The following DSCAM variants were observed in gnomAD, a reference collection of about 807,000 sequenced individuals.
DSCAM encodes the protein DS cell adhesion molecule, also known as cell adhesion molecule DSCAM.
In DSCAM, 47 loss-of-function variants were observed where a neutral mutation model predicts 217.7. The observed-to-expected ratio is 0.22, with a 90% CI of 0.17 to 0.28. The LOEUF is 0.28. Ranked by LOEUF, DSCAM falls within the 10% of genes least tolerant of loss-of-function variation. The pLI is 1.00. For missense variants in DSCAM, 2,080 were observed against 2,618.3 expected (o/e 0.79, Z 4.49); for synonymous variants, 1,056 against 1,015.3 (o/e 1.04, Z -0.76).
chr21:40,373,056 T>C (rs1242439060), intron 3 of DSCAM, among the ~76,000 whole-genome samples: 1 of 152,178 alleles, frequency 6.6e-6, no homozygotes, highest in East Asian at 1.9e-4. Context: ...GTTCTTCCCA[T>C]TGTCACGGAG....
chr21:40,786,348 A>C (rs2091594532), intron 1 of DSCAM, among the ~76,000 whole-genome samples: 1 of 152,116 alleles, frequency 6.6e-6, no homozygotes, highest in Non-Finnish European at 1.5e-5. Flanking sequence ...AAGAGAAAGA[A>C]AGAAATCATC....
chr21:40,839,983 C>G (rs2092087062), intron 1 of DSCAM, among the ~76,000 whole-genome samples: 1 of 152,054 alleles, frequency 6.6e-6, no homozygotes, highest in Non-Finnish European at 1.5e-5. Context: ...TTTACATAAT[C>G]CAGGGGGCTT....
chr21:40,166,678 A>C (rs2090598137), intron 16 of DSCAM, among the ~76,000 whole-genome samples: 1 of 152,256 alleles, frequency 6.6e-6, no homozygotes, highest in Non-Finnish European at 1.5e-5. Context: ...TAAAGTAACC[A>C]GCAGCCAGTC....
chr21:40,535,768 G>T (rs150933540), intron 3 of DSCAM, among the ~76,000 whole-genome samples: 1 of 152,268 alleles, frequency 6.6e-6, no homozygotes, highest in East Asian at 1.9e-4. Context: ...ACTGTAGAGA[G>T]ACGCGGCACC....
At chr21:40,153,067 T>G (rs767435595) in intron 16 of DSCAM, among the ~76,000 whole-genome samples, 3 of 152,248 alleles carry the variant, frequency 2.0e-5, no homozygotes, top group Non-Finnish European at 2.9e-5. Flanking sequence ...TAAAATGTAA[T>G]CTATCCTCAT....
intron 3 of DSCAM, among the ~76,000 whole-genome samples, chr21:40,399,298 A>AAAC (rs1201316270): frequency 1.4e-5 from 2 of 140,610 alleles, no homozygotes; most frequent in Non-Finnish European, 3.0e-5. Flanking sequence ...AAACAAAACA[A>AAAC]AACAAAACAA....
At chr21:40,024,684 T>A (rs1232974679) in intron 32 of DSCAM, among the ~76,000 whole-genome samples, 1 of 73,138 alleles carries the variant, frequency 1.4e-5, no homozygotes, top group African/African-American at 5.2e-5. Flanking sequence ...CTGTTATTGG[T>A]GTATAAGAAT....
intron 20 of DSCAM, among the ~76,000 whole-genome samples, chr21:40,107,706 T>G (rs572696578): frequency 6.6e-6 from 1 of 152,256 alleles, no homozygotes; most frequent in African/African-American, 2.4e-5. Context: ...GTATATATAT[T>G]TAGGATAGTT....
At chr21:40,658,216 A>G (rs990139186) in intron 3 of DSCAM, among the ~76,000 whole-genome samples, 1 of 152,208 alleles carries the variant, frequency 6.6e-6, no homozygotes, top group African/African-American at 2.4e-5. Flanking sequence ...CTGCAGAGAC[A>G]AAGAAACCAA....
At chr21:40,340,946 T>C (rs1326422205) in intron 6 of DSCAM, among the ~76,000 whole-genome samples, 1 of 152,160 alleles carries the variant, frequency 6.6e-6, no homozygotes, top group Non-Finnish European at 1.5e-5. Flanking sequence ...AGGGTCTTCA[T>C]GGTGATGGGG....
chr21:40,525,883 A>G (rs1212787114), intron 3 of DSCAM, among the ~76,000 whole-genome samples: 2 of 152,138 alleles, frequency 1.3e-5, no homozygotes, highest in African/African-American at 4.8e-5. Flanking sequence ...AAGACAGAGC[A>G]TGAACAGACC....
intron 1 of DSCAM, among the ~76,000 whole-genome samples, chr21:40,712,299 T>C (rs1270226553): frequency 3.3e-5 from 5 of 151,834 alleles, no homozygotes; most frequent in Non-Finnish European, 5.9e-5. Flanking sequence ...CCGTCTCTAC[T>C]AAAAATACAA....
At chr21:40,618,228 G>A (rs568992206) in intron 3 of DSCAM, among the ~76,000 whole-genome samples, 26 of 152,208 alleles carry the variant, frequency 1.7e-4, no homozygotes, top group African/African-American at 3.9e-4. Flanking sequence ...TGTGTGCTCC[G>A]TTTTCAGAAA....
chr21:40,836,600 G>A (rs28433153), intron 1 of DSCAM, among the ~76,000 whole-genome samples: 45,927 of 152,076 alleles, frequency 0.3, 6,946 homozygotes, highest in South Asian at 0.41. Flanking sequence ...ACAGTTCATC[G>A]AGATGTACTT....
intron 27 of DSCAM, among the ~76,000 whole-genome samples, chr21:40,063,500 C>CA (rs2089156354): frequency 6.6e-6 from 1 of 151,848 alleles, no homozygotes; most frequent in African/African-American, 2.4e-5. Flanking sequence ...AAAAAAATCC[C>CA]TTTTTTTGGT....
At chr21:40,632,321 T>G (rs2089702569) in intron 3 of DSCAM, among the ~76,000 whole-genome samples, 2 of 125,640 alleles carry the variant, frequency 1.6e-5, no homozygotes, top group African/African-American at 6.3e-5. Context: ...AATGAAGAGG[T>G]AGAGAAAGTC....
At chr21:40,758,208 C>G (rs2091295232) in intron 1 of DSCAM, among the ~76,000 whole-genome samples, 1 of 152,280 alleles carries the variant, frequency 6.6e-6, no homozygotes, top group East Asian at 1.9e-4. Context: ...CACACCTTGA[C>G]TTTAGACTTC....
rs983684441 is a variant in DSCAM, at chr21:40,716,855, T to C, written c.44-8084A>G. Among the ~76,000 whole-genome samples the C allele has an allele frequency of 3.9e-5, 6 of 152,096 alleles. No homozygotes were observed. In the South Asian group the frequency reaches 1.2e-3, roughly 32 times the overall value. Reference sequence around the variant, plus strand: ...GCCAAGGAAATTTCAGTCTGAAGGGTACTCTAGTTCACATAGTGAGGTCAA... The same window carrying C: ...GCCAAGGAAATTTCAGTCTGAAGGGCACTCTAGTTCACATAGTGAGGTCAA... On this transcript the variant is annotated intron_variant, in intron 1 of 32. Transcript: ENST00000400454.
At chr21:40,567,428 C>G (rs1253034404) in intron 3 of DSCAM, among the ~76,000 whole-genome samples, 4 of 152,232 alleles carry the variant, frequency 2.6e-5, no homozygotes, top group South Asian at 4.1e-4. Context: ...CCTCTCCACA[C>G]CAAATAATAA....
Sources: gnomAD v4.1 joint callset for allele counts (sites outside exome capture counted in the v4.1 genomes callset) on GRCh38, gnomAD v4.1.1 for gene constraint, MANE v1.5 for transcripts, NCBI Gene and HGNC (gene_info 2026-07-23, HGNC 2026-07-21) for gene names.